The following BNC2 variants were observed in gnomAD, a reference collection of about 807,000 sequenced individuals.
BNC2 encodes zinc finger protein basonuclin-2.
Under a neutral mutation model 76.3 loss-of-function variants are expected in BNC2, and 20 were observed. That is an observed-to-expected ratio of 0.26 (90% CI 0.18 to 0.38). BNC2 has a LOEUF of 0.38. Ranked by LOEUF, BNC2 falls within the 10% of genes least tolerant of loss-of-function variation. BNC2 has a pLI of 1.00. For synonymous variants in BNC2, 582 were observed against 514.8 expected, an observed-to-expected ratio of 1.13 and a Z score of -1.77; for missense variants, 1,382 against 1,399.8, an observed-to-expected ratio of 0.99 and a Z score of 0.20.
chr9:16,736,609 G>C (rs917537797), intron 2 of BNC2, among the ~76,000 whole-genome samples: 10 of 151,364 alleles, frequency 6.6e-5, no homozygotes, highest in African/African-American at 2.4e-4. Flanking sequence ...CTCAGTAGCT[G>C]AGATTACAGG....
At chr9:16,739,031 A>AG (rs1824763239) in intron 1 of BNC2, among the ~76,000 whole-genome samples, 1 of 151,310 alleles carries the variant, frequency 6.6e-6, no homozygotes, top group Admixed American at 6.6e-5. Context: ...AGTATGGTTT[A>AG]GAAAAAAAAA....
chr9:16,845,586 C>T (rs757970230), intron 1 of BNC2, among the ~76,000 whole-genome samples: 5 of 151,780 alleles, frequency 3.3e-5, no homozygotes, highest in South Asian at 2.1e-4. Context: ...CCGGGTGTAG[C>T]GGCGTGGGCC....
intron 3 of BNC2, among the ~76,000 whole-genome samples, chr9:16,640,673 G>A (rs577912503): frequency 6.6e-6 from 1 of 152,134 alleles, no homozygotes; most frequent in Non-Finnish European, 1.5e-5. Context: ...CATGACCTTA[G>A]GCATGTATTT....
chr9:16,764,157 G>A (rs1407818801), intron 1 of BNC2, among the ~76,000 whole-genome samples: 1 of 152,048 alleles, frequency 6.6e-6, no homozygotes, highest in African/African-American at 2.4e-5. Flanking sequence ...CCACCCTTGG[G>A]GTGTGTAGCT....
intron 3 of BNC2, among the ~76,000 whole-genome samples, chr9:16,690,908 T>C (rs938269291): frequency 6.6e-6 from 1 of 152,112 alleles, no homozygotes; most frequent in South Asian, 2.1e-4. Context: ...CCAGGAGCTA[T>C]TTCACTAAGG....
At chr9:16,653,863 C>G (rs1231159820) in intron 3 of BNC2, among the ~76,000 whole-genome samples, 1 of 152,120 alleles carries the variant, frequency 6.6e-6, no homozygotes, top group Non-Finnish European at 1.5e-5. Flanking sequence ...GTGGCAGAAC[C>G]TCTTGTCTGA....
intron 3 of BNC2, among the ~76,000 whole-genome samples, chr9:16,652,566 T>C (rs749151584): frequency 9.2e-5 from 14 of 152,214 alleles, no homozygotes; most frequent in African/African-American, 3.4e-4. Context: ...ATTACACACA[T>C]TGAACCTGTC....
At chr9:16,486,188 T>A (rs752385272) in intron 5 of BNC2, among the ~76,000 whole-genome samples, 3 of 152,210 alleles carry the variant, frequency 2.0e-5, no homozygotes, top group African/African-American at 7.2e-5. Context: ...CAACCTGCCA[T>A]AGGGATCCAT....
chr9:16,591,258 A>G (rs1008851837), intron 3 of BNC2, among the ~76,000 whole-genome samples: 13 of 152,236 alleles, frequency 8.5e-5, no homozygotes, highest in African/African-American at 3.1e-4. Context: ...AGCATGAACT[A>G]CAAGACTACA....
chr9:16,570,471 T>C (rs1248211413), intron 4 of BNC2, among the ~76,000 whole-genome samples: 1 of 152,190 alleles, frequency 6.6e-6, no homozygotes, highest in Non-Finnish European at 1.5e-5. Flanking sequence ...TGTTTTCTTC[T>C]GGACTGCTGG....
intron 5 of BNC2, among the ~76,000 whole-genome samples, chr9:16,550,009 T>A (rs1244935476): frequency 3.9e-5 from 6 of 151,906 alleles, no homozygotes; most frequent in African/African-American, 1.4e-4. Context: ...TAATAAAAAT[T>A]AATTATAATT....
chr9:16,797,052 G>C (rs1203223647), intron 1 of BNC2, among the ~76,000 whole-genome samples: 1 of 152,108 alleles, frequency 6.6e-6, no homozygotes, highest in African/African-American at 2.4e-5. Context: ...AGTGCAACAG[G>C]AATGATAAAA....
chr9:16,464,094 C>CAAA (rs1324549679), intron 5 of BNC2, among the ~76,000 whole-genome samples: 21 of 34,664 alleles, frequency 6.1e-4, no homozygotes, highest in African/African-American at 1.0e-3. Flanking sequence ...ACCCTGTCTC[C>CAAA]AAAAAAAAAA....
chr9:16,575,805 T>A (rs1819467821), intron 4 of BNC2, among the ~76,000 whole-genome samples: 1 of 152,140 alleles, frequency 6.6e-6, no homozygotes, highest in African/African-American at 2.4e-5. Flanking sequence ...GAGACCAGAA[T>A]CCAGCTGCCT....
chr9:16,746,298 G>C (rs1202512534), intron 1 of BNC2, among the ~76,000 whole-genome samples: 6 of 152,074 alleles, frequency 3.9e-5, no homozygotes, highest in Non-Finnish European at 5.9e-5. Flanking sequence ...TGTTGAACCT[G>C]ACTGCAATCA....
intron 1 of BNC2, among the ~76,000 whole-genome samples, chr9:16,746,819 G>T (rs948011341): frequency 1.3e-5 from 2 of 151,566 alleles, no homozygotes; most frequent in Non-Finnish European, 2.9e-5. Flanking sequence ...AAAATTAGCC[G>T]GGCGTGGTGG....
intron 3 of BNC2, among the ~76,000 whole-genome samples, chr9:16,684,619 G>T (rs761121233): frequency 1.3e-4 from 19 of 151,980 alleles, no homozygotes; most frequent in Non-Finnish European, 2.6e-4. Context: ...AGCTCACTAT[G>T]CTCATCTTAT....
chr9:16,773,968 T>G (rs10962583), intron 1 of BNC2, among the ~76,000 whole-genome samples: 1,543 of 152,156 alleles, frequency 0.01, 10 homozygotes, highest in Non-Finnish European at 0.017. Flanking sequence ...ACAGTATGTT[T>G]TTTTGTTTTG....
chr9:16,448,449 A>G (rs1296509099), intron 5 of BNC2, among the ~76,000 whole-genome samples: 3 of 152,154 alleles, frequency 2.0e-5, no homozygotes, highest in African/African-American at 4.8e-5. Flanking sequence ...CATCTGCACA[A>G]TCAAGATTAC....
Sources: allele counts gnomAD v4.1 joint callset (sites outside exome capture counted in the v4.1 genomes callset), GRCh38; gene constraint gnomAD v4.1.1; transcripts MANE v1.5; gene names NCBI Gene and HGNC (gene_info 2026-07-23, HGNC 2026-07-21).